Variants in GABRB1 observed in about 807,000 individuals in gnomAD.
GABRB1 encodes gamma-aminobutyric acid receptor subunit beta-1.
In GABRB1, 17 loss-of-function variants were observed where a neutral mutation model predicts 51.6. That is an observed-to-expected ratio of 0.33 (90% CI 0.23 to 0.49). GABRB1 has a LOEUF of 0.49. Ranked by LOEUF, GABRB1 falls within the 20% of genes least tolerant of loss-of-function variation. GABRB1 has a pLI of 0.99. For synonymous variants in GABRB1, 247 were observed against 218.9 expected (o/e 1.13, Z -1.14); for missense variants, 410 against 600.6 (o/e 0.68, Z 3.32).
intron 5 of GABRB1, among the ~76,000 whole-genome samples, chr4:47,341,469 T>C (rs1047681113): frequency 1.3e-5 from 2 of 152,200 alleles, no homozygotes; most frequent in African/African-American, 4.8e-5. Flanking sequence ...GGGTAATTTT[T>C]CTCTTTTCAT....
At chr4:47,217,755 A>C (rs1439144860) in intron 4 of GABRB1, among the ~76,000 whole-genome samples, 1 of 151,714 alleles carries the variant, frequency 6.6e-6, no homozygotes, top group African/African-American at 2.4e-5. Flanking sequence ...TGACATTTAG[A>C]TACAAGCACA....
At chr4:47,033,651 A>G (rs1310410614) in intron 3 of GABRB1, among the ~76,000 whole-genome samples, 2 of 152,156 alleles carry the variant, frequency 1.3e-5, no homozygotes, top group African/African-American at 2.4e-5. Context: ...TTAATATACT[A>G]TGGTTTAAGA....
At chr4:47,276,892 G>A (rs1723096026) in intron 4 of GABRB1, among the ~76,000 whole-genome samples, 1 of 151,964 alleles carries the variant, frequency 6.6e-6, no homozygotes. Context: ...AGGGTCCTGT[G>A]GAGTGGGGTG....
chr4:47,322,045 G>A (rs555467742), intron 5 of GABRB1, among the ~76,000 whole-genome samples: 1 of 152,078 alleles, frequency 6.6e-6, no homozygotes, highest in Non-Finnish European at 1.5e-5. Context: ...ATTTTTAAAA[G>A]ATGACTTTAA....
At chr4:47,306,519 A>T (rs1487069969) in intron 4 of GABRB1, among the ~76,000 whole-genome samples, 1 of 151,886 alleles carries the variant, frequency 6.6e-6, no homozygotes, top group Non-Finnish European at 1.5e-5. Flanking sequence ...TGGGAGGAGG[A>T]ATTATAGATT....
At position 47,380,310 on chromosome 4, in the gene GABRB1, G is replaced by A. The variant is rs948613277; in HGVS notation, c.545-23008G>A. 5.3e-5 allele frequency among the ~76,000 whole-genome samples: 8 copies of A among 152,206 alleles called. No individual in the cohort carries two copies. In the East Asian group the frequency reaches 9.6e-4, roughly 18 times the overall value. ...GACAGGGAAGAAGTAGACACACAGC[G>A]GACTTTCAGTGATAAATATTTATAT... On this transcript the variant is annotated intron_variant, in intron 5 of 8. Coordinates refer to ENST00000295454, the MANE Select transcript of GABRB1 (RefSeq NM_000812.4).
intron 4 of GABRB1, among the ~76,000 whole-genome samples, chr4:47,232,189 C>G (rs1047933284): frequency 6.6e-6 from 1 of 152,016 alleles, no homozygotes; most frequent in Non-Finnish European, 1.5e-5. Context: ...AGCCGCTTTT[C>G]CCTATCCTTC....
At chr4:47,257,924 C>A (rs1415556452) in intron 4 of GABRB1, among the ~76,000 whole-genome samples, 2 of 151,634 alleles carry the variant, frequency 1.3e-5, no homozygotes, top group Non-Finnish European at 2.9e-5. Context: ...GCAAGACAAC[C>A]AATTAAAAGA....
chr4:47,370,259 C>A (rs748140873), intron 5 of GABRB1, among the ~76,000 whole-genome samples: 2 of 152,166 alleles, frequency 1.3e-5, no homozygotes, highest in Non-Finnish European at 2.9e-5. Flanking sequence ...GTGGCCGAGG[C>A]GAGTGGATCA....
chr4:47,176,605 A>G (rs1269382610), intron 4 of GABRB1, among the ~76,000 whole-genome samples: 1 of 152,100 alleles, frequency 6.6e-6, no homozygotes, highest in East Asian at 1.9e-4. Flanking sequence ...GGAGACCTAG[A>G]TTTGGAGTAA....
intron 3 of GABRB1, among the ~76,000 whole-genome samples, chr4:47,123,912 T>C (rs1194052138): frequency 1.7e-5 from 1 of 57,316 alleles, no homozygotes; most frequent in Non-Finnish European, 4.2e-5. Context: ...TATTATATAT[T>C]AATATATGAT....
At chr4:47,020,709 T>G (rs1200096128) in intron 1 of GABRB1, among the ~76,000 whole-genome samples, 1 of 152,170 alleles carries the variant, frequency 6.6e-6, no homozygotes, top group African/African-American at 2.4e-5. Context: ...CACTATAATT[T>G]TCCCACTTGG....
chr4:47,293,781 T>C (rs938332431), intron 4 of GABRB1, among the ~76,000 whole-genome samples: 3 of 152,190 alleles, frequency 2.0e-5, no homozygotes, highest in Non-Finnish European at 4.4e-5. Flanking sequence ...CTATTGCTCC[T>C]AAAATAGTCT....
At chr4:47,153,603 C>T (rs998831142) in intron 3 of GABRB1, among the ~76,000 whole-genome samples, 16 of 152,112 alleles carry the variant, frequency 1.1e-4, no homozygotes, top group African/African-American at 3.1e-4. Context: ...TCATGCCATG[C>T]GGTTCATTTT....
At chr4:47,212,820 A>T (rs1720415463) in intron 4 of GABRB1, among the ~76,000 whole-genome samples, 1 of 152,156 alleles carries the variant, frequency 6.6e-6, no homozygotes, top group Admixed American at 6.5e-5. Flanking sequence ...GTCTATCCCC[A>T]ATCCTGTCCC....
At chr4:47,178,703 A>T (rs1381776853) in intron 4 of GABRB1, among the ~76,000 whole-genome samples, 1 of 152,142 alleles carries the variant, frequency 6.6e-6, no homozygotes, top group African/African-American at 2.4e-5. Context: ...AAAGATAAAG[A>T]GTCTTTGAAG....
intron 3 of GABRB1, among the ~76,000 whole-genome samples, chr4:47,139,649 A>C (rs1716827334): frequency 6.6e-6 from 1 of 152,060 alleles, no homozygotes; most frequent in Middle Eastern, 3.2e-3. Flanking sequence ...AGCCAGTTTG[A>C]CATTGACAGG....
At chr4:47,350,928 T>C (rs910365365) in intron 5 of GABRB1, among the ~76,000 whole-genome samples, 1 of 152,222 alleles carries the variant, frequency 6.6e-6, no homozygotes, top group African/African-American at 2.4e-5. Flanking sequence ...TGAGAGGCTT[T>C]CACAGATAAT....
chr4:47,147,014 C>G (rs1351977928), intron 3 of GABRB1, among the ~76,000 whole-genome samples: 1 of 151,852 alleles, frequency 6.6e-6, no homozygotes, highest in Non-Finnish European at 1.5e-5. Context: ...TTGCTGATGC[C>G]TATCTTTGAA....
Sources: allele counts gnomAD v4.1 joint callset (sites outside exome capture counted in the v4.1 genomes callset), GRCh38; gene constraint gnomAD v4.1.1; transcripts MANE v1.5; gene names NCBI Gene and HGNC (gene_info 2026-07-23, HGNC 2026-07-21).